The following TLK1 variants were observed in gnomAD, a reference collection of about 807,000 sequenced individuals.
The protein encoded by TLK1 is serine/threonine-protein kinase tousled-like 1.
TLK1 carries 24 observed loss-of-function variants against 105.3 expected under a neutral mutation model. That is an observed-to-expected ratio of 0.23 (90% CI 0.17 to 0.32). The LOEUF (loss-of-function observed/expected upper bound fraction) is 0.32, where lower values mean the gene tolerates loss of function less well. TLK1 is among the 10% of genes least tolerant of loss of function. TLK1 has a pLI of 1.00. For missense variants in TLK1, 558 were observed against 910.5 expected, an observed-to-expected ratio of 0.61 and a Z score of 4.98; for synonymous variants, 321 against 310.4, an observed-to-expected ratio of 1.03 and a Z score of -0.36.
At chr2:171,142,266 A>C (rs774265278) in intron 1 of TLK1, among the ~76,000 whole-genome samples, 1 of 152,228 alleles carries the variant, frequency 6.6e-6, no homozygotes, top group Non-Finnish European at 1.5e-5. Flanking sequence ...AACAGGATAA[A>C]CAGAAATCAT....
In TLK1 at chr2:171,101,346, C is replaced by CAAAAAAAAAAAAA. The variant is rs71401403; in HGVS notation, c.258+16380_258+16392dup. ...GGACAACAAGAGTGAAACTCCGTCT[C>CAAAAAAAAAAAAA]AAAAAAAAAAAAAAAAAAAGCCAGG... On this transcript the variant is annotated intron_variant, in intron 2 of 20. Coordinates refer to ENST00000431350, the MANE Select transcript of TLK1 (RefSeq NM_012290.5). Among the ~76,000 whole-genome samples the CAAAAAAAAAAAAA allele has an allele frequency of 4.0e-3, 255 of 63,458 alleles. 20 individuals carry two copies. The highest frequency in any genetic ancestry group is 0.016 in the African/African-American group (225 of 13,814). The allele number at this position is 63,458 out of a possible 152,430, so 41.6% of individuals were successfully genotyped here.
At chr2:171,177,098 G>C (rs112401021) in intron 1 of TLK1, among the ~76,000 whole-genome samples, 37,715 of 151,450 alleles carry the variant, frequency 0.25, 4,976 homozygotes, top group Middle Eastern at 0.32. Flanking sequence ...CTCCCAAAGT[G>C]CTGGGATTAC....
upstream of TLK1, among the ~76,000 whole-genome samples, chr2:171,165,681 G>T (rs774684606): frequency 6.6e-6 from 1 of 152,206 alleles, no homozygotes; most frequent in Non-Finnish European, 1.5e-5. Context: ...GGGAGGCCGA[G>T]GCGGGTGGAT....
At chr2:171,195,964 GA>G (rs1693264831) in intron 1 of TLK1, among the ~76,000 whole-genome samples, 1 of 148,660 alleles carries the variant, frequency 6.7e-6, no homozygotes, top group African/African-American at 2.5e-5. Context: ...CTTGAACCTG[GA>G]AGGTGGAGGC....
intron 3 of TLK1, among the ~76,000 whole-genome samples, chr2:171,077,323 T>C (rs1275030195): frequency 6.6e-6 from 1 of 152,198 alleles, no homozygotes; most frequent in Admixed American, 6.5e-5. Context: ...CAGGAAAAGA[T>C]GTGTGGTTTT....
intron 10 of TLK1, among the ~76,000 whole-genome samples, chr2:171,048,451 T>C (rs1402113354): frequency 6.6e-6 from 1 of 152,254 alleles, no homozygotes; most frequent in East Asian, 1.9e-4. Flanking sequence ...TGTTAGTTCA[T>C]GCTTTAATCA....
At chr2:171,205,534 G>A (rs1693488833) in intron 1 of TLK1, among the ~76,000 whole-genome samples, 1 of 152,060 alleles carries the variant, frequency 6.6e-6, no homozygotes, top group Non-Finnish European at 1.5e-5. Flanking sequence ...ATGTTGCCCA[G>A]GCTGGTCTCC....
intron 3 of TLK1, chr2:171,067,013 T>C (rs569627380): frequency 8.9e-5 from 133 of 1,495,120 alleles, no homozygotes; most frequent in South Asian, 4.6e-4. Context: ...TTTTGACCCA[T>C]TGTGACACTC....
At chr2:171,141,197 G>A (rs920089046) in intron 1 of TLK1, among the ~76,000 whole-genome samples, 1 of 152,158 alleles carries the variant, frequency 6.6e-6, no homozygotes. Context: ...TATCCGAAGT[G>A]ATATAGTCTG....
At chr2:171,079,094 C>G (rs1350856465) in intron 3 of TLK1, among the ~76,000 whole-genome samples, 1 of 152,146 alleles carries the variant, frequency 6.6e-6, no homozygotes, top group African/African-American at 2.4e-5. Flanking sequence ...AAAGCTTTTC[C>G]GGAGATCTAA....
chr2:171,002,979 A>G (rs1426640407), intron 18 of TLK1, among the ~76,000 whole-genome samples: 2 of 151,936 alleles, frequency 1.3e-5, no homozygotes, highest in African/African-American at 4.8e-5. Context: ...TATTTTGCAA[A>G]AAGTACAAGG....
chr2:171,138,605 C>T (rs1311650732), intron 1 of TLK1, among the ~76,000 whole-genome samples: 1 of 152,076 alleles, frequency 6.6e-6, no homozygotes, highest in South Asian at 2.1e-4. Flanking sequence ...TAAGCCTTGG[C>T]AGTAATGAGC....
chr2:171,152,299 T>C (rs547029286), intron 1 of TLK1, among the ~76,000 whole-genome samples: 1 of 152,354 alleles, frequency 6.6e-6, no homozygotes, highest in East Asian at 1.9e-4. Flanking sequence ...CACTTTTATT[T>C]AAATACAGGT....
At chr2:171,219,814 T>C (rs1357370116) in intron 1 of TLK1, among the ~76,000 whole-genome samples, 1 of 152,190 alleles carries the variant, frequency 6.6e-6, no homozygotes, top group Non-Finnish European at 1.5e-5. Context: ...TTGGCCAGGC[T>C]AGTCTCAAAC....
chr2:171,149,332 T>C (rs181368538), intron 1 of TLK1, among the ~76,000 whole-genome samples: 3 of 152,240 alleles, frequency 2.0e-5, no homozygotes, highest in Non-Finnish European at 2.9e-5. Context: ...TTGTGAAACC[T>C]TGTAGTTACT....
intron 10 of TLK1, 58 bp downstream of exon 10, chr2:171,049,756 T>C (rs1687143736): frequency 1.3e-6 from 2 of 1,596,952 alleles, no homozygotes; most frequent in African/African-American, 1.4e-5. Context: ...TATAATCTTT[T>C]AAAGTAATGA....
intron 1 of TLK1, among the ~76,000 whole-genome samples, chr2:171,206,308 G>T (rs1191394520): frequency 2.6e-5 from 4 of 152,208 alleles, no homozygotes; most frequent in African/African-American, 9.6e-5. Flanking sequence ...GCATGCGTTT[G>T]TCTCTATTTG....
At chr2:171,170,572 C>T (rs544699689) in intron 1 of TLK1, among the ~76,000 whole-genome samples, 87 of 152,272 alleles carry the variant, frequency 5.7e-4, no homozygotes, top group Non-Finnish European at 1.0e-3. Context: ...AGAGTCATTG[C>T]GCCACCATCA....
At chr2:171,037,982 C>A (rs1405456298) in intron 11 of TLK1, among the ~76,000 whole-genome samples, 5 of 152,146 alleles carry the variant, frequency 3.3e-5, no homozygotes, top group African/African-American at 1.2e-4. Context: ...TTATTTGGAC[C>A]TGCAGTTTTT....
Sources: gnomAD v4.1 joint callset for allele counts (sites outside exome capture counted in the v4.1 genomes callset) on GRCh38, gnomAD v4.1.1 for gene constraint, MANE v1.5 for transcripts, NCBI Gene and HGNC (gene_info 2026-07-23, HGNC 2026-07-21) for gene names.